MAP3K20: variants seen among roughly 807,000 people sequenced by gnomAD.
MAP3K20 encodes mitogen-activated protein kinase kinase kinase 20.
Under a neutral mutation model 85.7 loss-of-function variants are expected in MAP3K20, and 40 were observed. The observed-to-expected ratio is 0.47, with a 90% CI of 0.36 to 0.61. The LOEUF (loss-of-function observed/expected upper bound fraction) is 0.61, where lower values mean the gene tolerates loss of function less well. Among genes scored for constraint, MAP3K20 ranks in the 20% least tolerant of loss-of-function variants. The pLI is 0.00. For synonymous variants in MAP3K20, 325 were observed against 327.7 expected (o/e 0.99, Z 0.09); for missense variants, 817 against 961.7 (o/e 0.85, Z 1.99).
intron 2 of MAP3K20, among the ~76,000 whole-genome samples, chr2:173,119,695 C>G (rs1688224529): frequency 6.6e-6 from 1 of 152,220 alleles, no homozygotes; most frequent in Non-Finnish European, 1.5e-5. Flanking sequence ...ACCATCTACA[C>G]ACACTTGAAC....
Position 173,252,602 on chromosome 2 carries a change from G to A in MAP3K20, c.1360-6097G>A, listed in dbSNP as rs139122650. Among the ~76,000 whole-genome samples the A allele has an allele frequency of 2.2e-3, 334 of 152,314 alleles. 1 individual carries two copies. Among genetic ancestry groups the A allele is most frequent in the African/African-American group, 7.3e-3 (302 of 41,562 alleles). On this transcript the variant is annotated intron_variant, in intron 16 of 19. Coordinates refer to ENST00000375213, the MANE Select transcript of MAP3K20 (RefSeq NM_016653.3). ...AGGCAGATTTTCTAGCTAGTGGAAA[G>A]TTCCGGGTAACTACTTTTTGCTACT...
intron 16 of MAP3K20, among the ~76,000 whole-genome samples, chr2:173,249,329 G>A (rs1215416122): frequency 1.3e-5 from 2 of 152,122 alleles, no homozygotes; most frequent in African/African-American, 4.8e-5. Context: ...TAGGTGTTGA[G>A]AATAATCAGC....
chr2:173,266,422 C>G lies in MAP3K20; in HGVS notation c.2075C>G (p.Pro692Arg), dbSNP rs765356134. 2 of 1,614,068 alleles carry G rather than the reference C, an allele frequency of 1.2e-6. No homozygotes were observed. Among genetic ancestry groups the G allele is most frequent in the South Asian group, 2.2e-5 (2 of 91,080 alleles). The change falls in exon 20 of 20, where the codon CCT becomes CGT. Residue 692 changes from proline (P) to arginine (R), a missense_variant. This residue lies in a region of MAP3K20 where 454 missense variants were observed against 476.9 expected (regional missense o/e 0.95). Coordinates refer to ENST00000375213, the MANE Select transcript of MAP3K20 (RefSeq NM_016653.3). ...GGTAGTATATCACTCAATTCTTCTC[C>G]TAGAGGAAGATACAGTGGAAAGAGT... ...GRGSISLNSS[P>R]RGRYSGKSQH...
intron 2 of MAP3K20, among the ~76,000 whole-genome samples, chr2:173,104,386 C>T (rs1195692857): frequency 2.6e-4 from 40 of 152,158 alleles, no homozygotes; most frequent in Admixed American, 2.6e-3. Flanking sequence ...GGCCCCAGTG[C>T]TCCTCAAGAC....
chr2:173,202,549 T>TCC (rs1350868948), intron 8 of MAP3K20, among the ~76,000 whole-genome samples: 1 of 152,096 alleles, frequency 6.6e-6, no homozygotes, highest in Non-Finnish European at 1.5e-5. Context: ...CCCCTTACAC[T>TCC]CCCTTGAGGT....
chr2:173,231,303 C>T (rs1367768211), intron 12 of MAP3K20, among the ~76,000 whole-genome samples: 5 of 152,182 alleles, frequency 3.3e-5, no homozygotes, highest in Admixed American at 1.3e-4. Context: ...CTTTGGCTTC[C>T]GTAGGGTAAG....
At chr2:173,185,231 ACT>A (rs1273687381) in intron 4 of MAP3K20, among the ~76,000 whole-genome samples, 8 of 152,134 alleles carry the variant, frequency 5.3e-5, no homozygotes, top group Admixed American at 6.6e-5. Context: ...ACCGAGTGAG[ACT>A]CTGTCTCAAA....
At chr2:173,085,251 T>G (rs1167639106) in intron 1 of MAP3K20, among the ~76,000 whole-genome samples, 1 of 152,132 alleles carries the variant, frequency 6.6e-6, no homozygotes, top group East Asian at 1.9e-4. Flanking sequence ...GGGGCAAAAG[T>G]AACAGTGAAA....
intron 3 of MAP3K20, among the ~76,000 whole-genome samples, chr2:173,177,254 G>A (rs34658268): frequency 0.33 from 50,892 of 151,964 alleles, 10,513 homozygotes; most frequent in Non-Finnish European, 0.46. Context: ...TCCAGAATAC[G>A]TCATAAGGGA....
intron 2 of MAP3K20, among the ~76,000 whole-genome samples, chr2:173,123,109 C>G (rs1271436736): frequency 6.6e-6 from 1 of 152,200 alleles, no homozygotes; most frequent in Non-Finnish European, 1.5e-5. Context: ...TCTCCTTAAA[C>G]CTTTGGATTC....
At chr2:173,103,059 G>GA (rs1190096084) in intron 2 of MAP3K20, among the ~76,000 whole-genome samples, 1 of 150,662 alleles carries the variant, frequency 6.6e-6, no homozygotes, top group South Asian at 2.1e-4. Flanking sequence ...ATCTCAAAAA[G>GA]AAAAAAAAGA....
At chr2:173,125,725 C>G (rs935849737) in intron 2 of MAP3K20, among the ~76,000 whole-genome samples, 1 of 151,870 alleles carries the variant, frequency 6.6e-6, no homozygotes, top group African/African-American at 2.4e-5. Context: ...TGCAGTGGCG[C>G]GATCTCAGCT....
chr2:173,230,793 C>T (rs1175925632), intron 12 of MAP3K20, among the ~76,000 whole-genome samples: 1 of 151,990 alleles, frequency 6.6e-6, no homozygotes, highest in African/African-American at 2.4e-5. Context: ...GTCAGGAGTT[C>T]GAGACCAGCC....
intron 11 of MAP3K20, chr2:173,227,060 G>A (rs1171864597): frequency 1.0e-6 from 1 of 985,776 alleles, no homozygotes; most frequent in African/African-American, 1.7e-5. Flanking sequence ...ATCCAAGTTG[G>A]TGTCATACAT....
intron 8 of MAP3K20, among the ~76,000 whole-genome samples, chr2:173,199,889 G>A (rs900879642): frequency 1.3e-5 from 2 of 152,054 alleles, no homozygotes; most frequent in Admixed American, 6.6e-5. Context: ...TTGAGGATTG[G>A]AATCACCCAT....
In MAP3K20 at chr2:173,209,845, C is replaced by A; in HGVS notation, c.851+10C>A. The A allele has an allele frequency of 6.2e-7, 1 of 1,611,342 alleles. No homozygotes were observed. Among genetic ancestry groups the A allele is most frequent in the Non-Finnish European group, 8.5e-7 (1 of 1,177,578 alleles). On this transcript the variant is annotated intron_variant, in intron 10 of 19. Transcript: ENST00000375213. Reference sequence around the variant, plus strand: ...ACAAGGCGGAGTGGAGGTGGGTAGCCCCGACAGCAGGCCACAGCGTCTGGC... The same window carrying A: ...ACAAGGCGGAGTGGAGGTGGGTAGCACCGACAGCAGGCCACAGCGTCTGGC...
intron 2 of MAP3K20, among the ~76,000 whole-genome samples, chr2:173,103,405 CA>C (rs1359965241): frequency 1.3e-5 from 2 of 152,134 alleles, no homozygotes; most frequent in African/African-American, 4.8e-5. Context: ...AGACCAAGAG[CA>C]GATTTTAGGA....
intron 2 of MAP3K20, among the ~76,000 whole-genome samples, chr2:173,095,221 G>A (rs765103593): frequency 1.3e-5 from 2 of 152,028 alleles, no homozygotes; most frequent in South Asian, 2.1e-4. Context: ...GTGTCCTTTT[G>A]GTATGTCGCT....
intron 2 of MAP3K20, among the ~76,000 whole-genome samples, chr2:173,134,413 TA>T (rs1559246020): frequency 2.2e-3 from 28 of 12,848 alleles, no homozygotes; most frequent in Non-Finnish European, 3.7e-3. Context: ...TATATATATA[TA>T]TATATATATA....
Sources: allele counts gnomAD v4.1 joint callset (sites outside exome capture counted in the v4.1 genomes callset), GRCh38; gene constraint gnomAD v4.1.1; regional missense constraint gnomAD v4.1.1; transcripts MANE v1.5; gene names NCBI Gene and HGNC (gene_info 2026-07-23, HGNC 2026-07-21).